The following AGGF1 variants were observed in gnomAD, a reference collection of about 807,000 sequenced individuals.
AGGF1 encodes the protein angiogenic factor with G-patch and FHA domains 1.
A neutral mutation model predicts 86.5 loss-of-function variants in AGGF1; 56 were observed. The ratio of observed to expected loss-of-function variants is 0.65; its 90% CI spans 0.52 to 0.81. The LOEUF is 0.81. Among genes scored for constraint, AGGF1 ranks in the 30% least tolerant of loss-of-function variants. The pLI, the probability that AGGF1 is intolerant of heterozygous loss-of-function variation, is 0.00. For synonymous variants in AGGF1, 313 were observed against 297.1 expected (o/e 1.05, Z -0.55); for missense variants, 816 against 850.9 (o/e 0.96, Z 0.51).
chr5:77,044,529 TC>T (rs1477807363), intron 5 of AGGF1, among the ~76,000 whole-genome samples: 1 of 152,160 alleles, frequency 6.6e-6, no homozygotes, highest in African/African-American at 2.4e-5. Context: ...AAATAAGCCC[TC>T]CTTTCTTTTC....
chr5:77,036,732 A>C lies in AGGF1; in HGVS notation c.681+12A>C. ...TCTATTATGATTCTGTAAGTATCTC[A>C]GACCTTTTTGTTTTGTTTTGTTTTT... On this transcript the variant is annotated intron_variant, in intron 4 of 13. Transcript: ENST00000312916. 2 of 1,611,366 alleles carry C rather than the reference A, an allele frequency of 1.2e-6. No homozygotes were observed. Among genetic ancestry groups the C allele is most frequent in the South Asian group, 1.1e-5 (1 of 90,982 alleles).
chr5:77,032,137 G>A (rs1203671857), intron 1 of AGGF1, among the ~76,000 whole-genome samples: 1 of 150,870 alleles, frequency 6.6e-6, no homozygotes, highest in Non-Finnish European at 1.5e-5. Flanking sequence ...GAGTTGCAAT[G>A]ACTTTGTATG....
In AGGF1 at chr5:77,063,342, G is replaced by A; in HGVS notation, c.*90G>A. 7.8e-7 allele frequency: 1 copy of A among 1,278,786 alleles called. No individual in the cohort carries two copies. The highest frequency in any genetic ancestry group is 2.1e-5 in the Admixed American group (1 of 46,990). The allele number at this position is 1,278,786 out of a possible 1,614,324, so 79.2% of individuals were successfully genotyped here. ...TCCCCAAAAGAATCAGCAGCACAGG[G>A]GAACTATGTCACAGTTTACCTCTTC... On this transcript the variant is annotated 3_prime_UTR_variant, in exon 14 of 14. Transcript: ENST00000312916.
intron 12 of AGGF1, among the ~76,000 whole-genome samples, chr5:77,061,496 A>G (rs1343372938): frequency 6.6e-6 from 1 of 152,232 alleles, no homozygotes; most frequent in Non-Finnish European, 1.5e-5. Context: ...CTGGAAGAAC[A>G]TTGTTGTATG....
chr5:77,056,697 C>CT (rs879312182), intron 11 of AGGF1, among the ~76,000 whole-genome samples: 30 of 150,824 alleles, frequency 2.0e-4, no homozygotes, highest in Non-Finnish European at 3.3e-4. Flanking sequence ...CTTCTAGAAA[C>CT]TTTTTTTTTA....
chr5:77,059,816 G>A (rs759504974), intron 12 of AGGF1, 73 bp downstream of exon 12: 137 of 1,573,054 alleles, frequency 8.7e-5, no homozygotes, highest in Non-Finnish European at 1.1e-4. Context: ...CTGATGTTCA[G>A]GGCTATATAT....
At chr5:77,059,362 G>A (rs993849581) in intron 11 of AGGF1, among the ~76,000 whole-genome samples, 2 of 152,048 alleles carry the variant, frequency 1.3e-5, no homozygotes, top group African/African-American at 2.4e-5. Context: ...TATAAATCAA[G>A]TAGAGATGGG....
chr5:77,044,378 G>A (rs764425998), intron 5 of AGGF1, among the ~76,000 whole-genome samples: 20 of 152,224 alleles, frequency 1.3e-4, no homozygotes, highest in Non-Finnish European at 2.9e-4. Flanking sequence ...GTGAGGCCAA[G>A]AGAGTATCTT....
intron 13 of AGGF1, among the ~76,000 whole-genome samples, chr5:77,062,771 T>G (rs1747584538): frequency 6.6e-6 from 1 of 152,210 alleles, no homozygotes; most frequent in Admixed American, 6.5e-5. Context: ...TGACATACTC[T>G]GCAGCATCTA....
chr5:77,035,102 A>T (rs1181486410), intron 2 of AGGF1, among the ~76,000 whole-genome samples: 1 of 152,192 alleles, frequency 6.6e-6, no homozygotes, highest in Non-Finnish European at 1.5e-5. Flanking sequence ...GATACGTTTT[A>T]AAAAGTCTGC....
At position 77,063,385 on chromosome 5, in the gene AGGF1, A is replaced by G. The variant is rs1366597836; in HGVS notation, c.*133A>G. ...ACCTCTTCCTGATTCAGAAATGTGT[A>G]TGGTTTGCAGCTTTTAAAAACCATT... is the stretch of plus-strand genomic sequence containing the variant. On this transcript the variant is annotated 3_prime_UTR_variant, in exon 14 of 14. Transcript: ENST00000312916. The G allele has an allele frequency of 9.9e-7, 1 of 1,012,386 alleles. No individual in the cohort carries two copies. The highest frequency in any genetic ancestry group is 1.5e-6 in the Non-Finnish European group (1 of 685,798). 62.7% of individuals were successfully genotyped at this position (1,012,386 alleles called of 1,614,324 possible). A position where few individuals can be genotyped will look rare whatever the true frequency, so the allele number is the denominator to read the frequency against.
intron 5 of AGGF1, among the ~76,000 whole-genome samples, chr5:77,043,497 A>C (rs1281882472): frequency 8.2e-5 from 8 of 97,096 alleles, no homozygotes; most frequent in Non-Finnish European, 1.5e-4. Context: ...TGACCCCCCC[A>C]CCTCCCTCCC....
chr5:77,046,561 T>C lies in AGGF1; in HGVS notation c.1085T>C (p.Met362Thr). Residue 362 changes from methionine to threonine, a missense_variant, in exon 6 of 14, where the codon ATG becomes ACG. By Grantham distance (81) the Met-to-Thr change is moderately conservative (BLOSUM62 -1). This residue lies in a region of AGGF1 where 565 missense variants were observed against 585.8 expected (regional missense o/e 0.96). Transcript: ENST00000312916. ...ACATCATTTAAAGATGAGAAAATCA[T>C]GGAGACTGATAGTGAACCAGAGGAA... ...NSTSFKDEKI[M>T]ETDSEPEEGE... 1.2e-6 allele frequency: 2 copies of C among 1,613,838 alleles called. No homozygotes were observed. The highest frequency in any genetic ancestry group is 8.5e-7 in the Non-Finnish European group (1 of 1,179,858).
chr5:77,047,745 T>TG (rs957002985), intron 6 of AGGF1, among the ~76,000 whole-genome samples: 1 of 151,782 alleles, frequency 6.6e-6, no homozygotes, highest in Non-Finnish European at 1.5e-5. Context: ...CTTGAACTCC[T>TG]GACCTCAGGT....
intron 1 of AGGF1, among the ~76,000 whole-genome samples, chr5:77,032,252 T>TAAAAAAAAA (rs35068401): frequency 1.9e-5 from 2 of 107,874 alleles, no homozygotes; most frequent in Non-Finnish European, 3.6e-5. Context: ...ACAAATATGG[T>TAAAAAAAAA]AAAAAAAAAA....
At chr5:77,042,594 C>CA (rs1747125501) in intron 5 of AGGF1, among the ~76,000 whole-genome samples, 1 of 65,876 alleles carries the variant, frequency 1.5e-5, no homozygotes, top group Non-Finnish European at 3.6e-5. Flanking sequence ...TGACCCCCCC[C>CA]CACCTCCCTC....
chr5:77,031,618 AC>A (rs1302317229), intron 1 of AGGF1, among the ~76,000 whole-genome samples: 1 of 152,148 alleles, frequency 6.6e-6, no homozygotes, highest in Admixed American at 6.5e-5. Context: ...CCTTGGCTGG[AC>A]GCGGTAGCTC....
intron 5 of AGGF1, among the ~76,000 whole-genome samples, chr5:77,041,790 TTTATTTA>T (rs1747089008): frequency 2.1e-5 from 2 of 93,860 alleles, no homozygotes; most frequent in Non-Finnish European, 4.1e-5. Flanking sequence ...ACTTTTTTTA[TTTATTTA>T]TTTATTTATT....
chr5:77,031,290 T>A (rs572933070), intron 1 of AGGF1, among the ~76,000 whole-genome samples: 6 of 152,206 alleles, frequency 3.9e-5, no homozygotes, highest in Admixed American at 6.5e-5. Context: ...ACATTTGAGT[T>A]TATTAAAATG....
Sources: gnomAD v4.1 joint callset for allele counts (sites outside exome capture counted in the v4.1 genomes callset) on GRCh38, gnomAD v4.1.1 for gene constraint, gnomAD v4.1.1 regional missense constraint, MANE v1.5 for transcripts, NCBI Gene and HGNC (gene_info 2026-07-23, HGNC 2026-07-21) for gene names.